The following DOCK2 variants were observed in gnomAD, a reference collection of about 807,000 sequenced individuals.
The protein encoded by DOCK2 is dedicator of cytokinesis 2.
In DOCK2, 87 loss-of-function variants were observed where a neutral mutation model predicts 248.9. The observed-to-expected ratio is 0.35, with a 90% CI of 0.29 to 0.42. DOCK2 has a LOEUF of 0.42. DOCK2 is among the 10% of genes least tolerant of loss of function. The probability of loss-of-function intolerance (pLI) is 1.00; values close to 1 mark genes in which losing one functional copy is unlikely to be tolerated. For missense variants in DOCK2, 1,747 were observed against 2,300.2 expected (o/e 0.76, Z 4.92); for synonymous variants, 805 against 821.6 (o/e 0.98, Z 0.35).
At chr5:169,721,701 A>G in intron 22 of DOCK2, among the ~76,000 whole-genome samples, 1 of 152,158 alleles carries the variant, frequency 6.6e-6, no homozygotes, top group Non-Finnish European at 1.5e-5. Flanking sequence ...TATTTTTTGC[A>G]CATCCTGCCC....
intron 27 of DOCK2, among the ~76,000 whole-genome samples, chr5:169,856,191 C>T (rs1770882033): frequency 6.6e-6 from 1 of 152,118 alleles, no homozygotes; most frequent in African/African-American, 2.4e-5. Context: ...AAAACCTAAC[C>T]ATATCAGAAT....
intron 26 of DOCK2, among the ~76,000 whole-genome samples, chr5:169,832,067 G>A (rs986748277): frequency 1.3e-5 from 2 of 152,204 alleles, no homozygotes; most frequent in Non-Finnish European, 2.9e-5. Flanking sequence ...AATGAGCTTA[G>A]GTTCAGGTTG....
At chr5:169,754,333 C>T (rs1764074455) in intron 23 of DOCK2, among the ~76,000 whole-genome samples, 1 of 152,204 alleles carries the variant, frequency 6.6e-6, no homozygotes, top group South Asian at 2.1e-4. Flanking sequence ...AGTAAAACCA[C>T]TCTTGGTTGC....
chr5:169,760,701 A>G (rs186874920), intron 24 of DOCK2, among the ~76,000 whole-genome samples: 6 of 152,288 alleles, frequency 3.9e-5, no homozygotes, highest in Admixed American at 2.6e-4. Flanking sequence ...CCTCCACTGC[A>G]TACATCGCTG....
At chr5:169,731,198 C>T (rs775645021) in intron 22 of DOCK2, among the ~76,000 whole-genome samples, 4 of 152,266 alleles carry the variant, frequency 2.6e-5, no homozygotes, top group Admixed American at 6.5e-5. Context: ...GTTAATGTAT[C>T]GGTCTAAAGA....
In DOCK2 at chr5:169,700,011, C is replaced by A. The variant is rs766639407; in HGVS notation, c.1133-3C>A. ...CTCTTCACGGTGAGCTGTTCCTTTGCAGGCCTCTGGGTGACCATGAAGATG... is the reference window on the plus strand; with the variant it reads ...CTCTTCACGGTGAGCTGTTCCTTTGAAGGCCTCTGGGTGACCATGAAGATG... On this transcript the variant is annotated splice_polypyrimidine_tract_variant and splice_region_variant and intron_variant, in intron 12 of 51. Coordinates refer to ENST00000520908, the MANE Select transcript of DOCK2 (RefSeq NM_004946.3). 1 of 1,613,406 alleles carries A rather than the reference C, an allele frequency of 6.2e-7. No individual in the cohort carries two copies. Among genetic ancestry groups the A allele is most frequent in the East Asian group, 2.2e-5 (1 of 44,860 alleles).
At position 169,800,944 on chromosome 5, in the gene DOCK2, CTTTTTT is replaced by C. The variant is rs60140740; in HGVS notation, c.2555-2090_2555-2085del. 1.7e-4 allele frequency among the ~76,000 whole-genome samples: 9 copies of C among 53,188 alleles called. 1 individual carries two copies. The highest frequency in any genetic ancestry group is 8.4e-4 in the African/African-American group (6 of 7,142). The allele number at this position is 53,188 out of a possible 152,430, so 34.9% of individuals were successfully genotyped here. A position where few individuals can be genotyped will look rare whatever the true frequency, so the allele number is the denominator to read the frequency against. ...TTTTTCTTTTTTCTTTTCTTTCTTT[CTTTTTT>C]TTTTTTTTTTTTTTTTTTTTTTTGA... is the stretch of plus-strand genomic sequence containing the variant. On this transcript the variant is annotated intron_variant, in intron 25 of 51. Transcript: ENST00000520908.
intron 46 of DOCK2, among the ~76,000 whole-genome samples, chr5:170,070,948 G>A (rs565355798): frequency 1.5e-3 from 226 of 152,252 alleles, no homozygotes; most frequent in African/African-American, 5.0e-3. Flanking sequence ...TAGATGTGGC[G>A]GCTTCTGAGA....
rs114706356 is a variant in DOCK2, at chr5:169,881,540, T to C, written c.2799+40688T>C. 85 of 878,842 alleles carry C rather than the reference T, an allele frequency of 9.7e-5. 1 individual carries two copies. In the African/African-American group the frequency reaches 1.3e-3, roughly 14 times the overall value. The allele number at this position is 878,842 out of a possible 1,614,324, so 54.4% of individuals were successfully genotyped here. On this transcript the variant is annotated intron_variant, in intron 27 of 51. Transcript: ENST00000520908. The stretch of plus-strand genomic sequence containing the variant: ...GTCCCTTAGTCCCTATAGCACAGCA[T>C]TCACGGTGCTCTGAAGTTGCACGGC...
intron 27 of DOCK2, among the ~76,000 whole-genome samples, chr5:169,855,905 C>G (rs1476332244): frequency 2.6e-5 from 4 of 152,196 alleles, no homozygotes; most frequent in African/African-American, 9.6e-5. Flanking sequence ...AATTTACTCA[C>G]AGTTCCATGT....
rs181227391 is a variant in DOCK2, at chr5:169,828,964, G to A, written c.2704-11793G>A. 1.6e-3 allele frequency among the ~76,000 whole-genome samples: 243 copies of A among 152,318 alleles called. 1 individual carries two copies. The highest frequency in any genetic ancestry group is 5.7e-3 in the African/African-American group (237 of 41,566). ...AATCTATTTGTTTAACAGTGTAAGA[G>A]GGGGCAGCTCCGAGTGGATTACTTT... On this transcript the variant is annotated intron_variant, in intron 26 of 51. Transcript: ENST00000520908.
rs1463454571 is a variant in DOCK2 at position 169,779,167 on chromosome 5, CA to C, written c.2554+17543del. 2.6e-5 allele frequency: 4 copies of C among 152,320 alleles called. No homozygotes were observed. In the East Asian group the frequency reaches 7.7e-4, roughly 29 times the overall value. 9.4% of individuals were successfully genotyped at this position (152,320 alleles called of 1,614,324 possible). ...TACAAACATTGACCTGAATTACCAC[CA>C]CCCCTGATCCATTTTACAGAGGAGG... On this transcript the variant is annotated intron_variant, in intron 25 of 51. Coordinates refer to ENST00000520908, the MANE Select transcript of DOCK2 (RefSeq NM_004946.3).
intron 46 of DOCK2, among the ~76,000 whole-genome samples, chr5:170,071,266 G>A (rs1757671172): frequency 6.6e-6 from 1 of 152,160 alleles, no homozygotes; most frequent in Admixed American, 6.6e-5. Context: ...TGTGTCCTAG[G>A]CAACAGTAAT....
In DOCK2 at chr5:169,716,109, G is replaced by A. The variant is rs114649501; in HGVS notation, c.1942-104G>A. The A allele has an allele frequency of 4.0e-3, 4,109 of 1,016,728 alleles. 109 individuals are homozygous for A. The African/African-American group carries it at 0.054, about 13-fold the overall frequency. 63.0% of individuals were successfully genotyped at this position (1,016,728 alleles called of 1,614,324 possible). On this transcript the variant is annotated intron_variant, in intron 19 of 51. Transcript: ENST00000520908. ...GACGTTTTGAGCATGACATGTGGTG[G>A]ATGTGTGCTCTCATTCTCTTATAGA...
chr5:169,666,694 T>C (rs2113262779), intron 2 of DOCK2, among the ~76,000 whole-genome samples: 1 of 152,290 alleles, frequency 6.6e-6, no homozygotes, highest in East Asian at 1.9e-4. Context: ...GTCATAAGGA[T>C]AGTCCGGATG....
Position 169,974,207 on chromosome 5 carries a change from G to C in DOCK2, c.2800-8861G>C, listed in dbSNP as rs1777631235. Reference sequence around the variant, plus strand: ...TTTTCTTATCTATCAAGTAAAAATGGTATTACCAACATCTACTGAAAGTTT... The same window carrying C: ...TTTTCTTATCTATCAAGTAAAAATGCTATTACCAACATCTACTGAAAGTTT... On this transcript the variant is annotated intron_variant, in intron 27 of 51. Coordinates refer to ENST00000520908, the MANE Select transcript of DOCK2 (RefSeq NM_004946.3). 2.0e-5 allele frequency among the ~76,000 whole-genome samples: 3 copies of C among 152,126 alleles called. No individual in the cohort carries two copies. In the South Asian group the frequency reaches 6.2e-4, roughly 32 times the overall value.
In DOCK2 at chr5:170,041,259, C is replaced by T. The variant is rs548625396; in HGVS notation, c.3756+114C>T. 1.5e-5 allele frequency: 14 copies of T among 949,078 alleles called. No homozygotes were observed. The East Asian group carries it at 3.4e-4, about 23-fold the overall frequency. The allele number at this position is 949,078 out of a possible 1,614,324, so 58.8% of individuals were successfully genotyped here. Reference sequence around the variant, plus strand: ...AAAGAATCCAAATATTTTGTTTTGCCCTGTGTCTCCAAACTCTTGAGCTGG... The same window carrying T: ...AAAGAATCCAAATATTTTGTTTTGCTCTGTGTCTCCAAACTCTTGAGCTGG... On this transcript the variant is annotated intron_variant, in intron 37 of 51. Coordinates refer to ENST00000520908, the MANE Select transcript of DOCK2 (RefSeq NM_004946.3).
chr5:169,850,525 A>G (rs970257711), intron 27 of DOCK2, among the ~76,000 whole-genome samples: 11 of 141,852 alleles, frequency 7.8e-5, no homozygotes, highest in African/African-American at 3.1e-4. Context: ...TCAGGGAAAG[A>G]ATCAAGTTAA....
At chr5:169,846,101 G>A (rs1770283248) in intron 27 of DOCK2, among the ~76,000 whole-genome samples, 1 of 152,010 alleles carries the variant, frequency 6.6e-6, no homozygotes, top group Admixed American at 6.6e-5. Context: ...TGATTTTTTT[G>A]GTTAGTTTCC....
Sources: allele counts gnomAD v4.1 joint callset (sites outside exome capture counted in the v4.1 genomes callset), GRCh38; gene constraint gnomAD v4.1.1; transcripts MANE v1.5; gene names NCBI Gene and HGNC (gene_info 2026-07-23, HGNC 2026-07-21).